The following GAL3ST1 variants were observed in gnomAD, a reference collection of about 807,000 sequenced individuals.
GAL3ST1 encodes the protein galactosylceramide sulfotransferase.
GAL3ST1 carries 13 observed loss-of-function variants against 25.0 expected under a neutral mutation model. That is an observed-to-expected ratio of 0.52 (90% confidence interval 0.34 to 0.83). GAL3ST1 has a LOEUF of 0.83. GAL3ST1 is among the 40% of genes least tolerant of loss of function. GAL3ST1 has a pLI of 0.02. For missense variants in GAL3ST1, 474 were observed against 613.6 expected, an observed-to-expected ratio of 0.77 and a Z score of 2.40; for synonymous variants, 274 against 277.8, an observed-to-expected ratio of 0.99 and a Z score of 0.14.
chr22:30,572,334 T>C (rs1241115697), intron 1 of GAL3ST1, among the ~76,000 whole-genome samples: 1 of 152,314 alleles, frequency 6.6e-6, no homozygotes, highest in South Asian at 2.1e-4. Flanking sequence ...CGGAGATACA[T>C]ACACCCACCT....
intron 1 of GAL3ST1, among the ~76,000 whole-genome samples, chr22:30,573,645 GC>G (rs1280512574): frequency 6.6e-6 from 1 of 152,224 alleles, no homozygotes; most frequent in Non-Finnish European, 1.5e-5. Context: ...CACCGCGGCA[GC>G]CCGGGGATCA....
chr22:30,570,808 T>A (rs1452361072), intron 1 of GAL3ST1, among the ~76,000 whole-genome samples: 1 of 151,616 alleles, frequency 6.6e-6, no homozygotes, highest in Non-Finnish European at 1.5e-5. Context: ...AAGAGTTGCC[T>A]AATATTAAGC....
chr22:30,554,919 C>T lies in GAL3ST1; in HGVS notation c.*34G>A, dbSNP rs560226917. ...TCCTGCTCAGCCCCTCTGCAGGGAG[C>T]GAGCAGGCAGGCAAGCCGCTGGGCG... On this transcript the variant is annotated 3_prime_UTR_variant, in exon 4 of 4. Transcript: ENST00000406361. The T allele has an allele frequency of 4.7e-6, 7 of 1,492,790 alleles. No individual in the cohort carries two copies. The South Asian group carries it at 7.6e-5, about 16-fold the overall frequency. The allele number at this position is 1,492,790 out of a possible 1,614,324, so 92.5% of individuals were successfully genotyped here.
At chr22:30,569,947 G>T (rs1052748765) in intron 1 of GAL3ST1, among the ~76,000 whole-genome samples, 33 of 152,078 alleles carry the variant, frequency 2.2e-4, no homozygotes, top group African/African-American at 8.0e-4. Context: ...GCCCTGTGTG[G>T]TGGTGCACGC....
In GAL3ST1 at chr22:30,555,377, T is replaced by C. The variant is rs903076173; in HGVS notation, c.848A>G (p.Asp283Gly). The change falls in exon 4 of 4, where the codon GAC (aspartate) becomes GGC (glycine). Residue 283 changes from aspartate to glycine, a missense_variant. Physicochemically the swap from Asp to Gly is moderately conservative, Grantham distance 94. Around this residue, in one of 2 missense-constraint regions of GAL3ST1, gnomAD observed 359 missense variants for 504.4 expected, o/e 0.71. Coordinates refer to ENST00000406361, the MANE Select transcript of GAL3ST1 (RefSeq NM_001318104.2). The surrounding 1 kb of genome is among the most constrained non-coding windows in gnomAD (Gnocchi z 8.6). ...VLYFKLNARR[D>G]SPVPRLSGEL... ...CCCCGAGAGCCGCGGCACGGGCGAG[T>C]CGCGGCGGGCGTTGAGCTTGAAGTA... 3 of 1,603,058 alleles carry C rather than the reference T, an allele frequency of 1.9e-6. No homozygotes were observed. The highest frequency in any genetic ancestry group is 1.4e-5 in the African/African-American group (1 of 72,900).
chr22:30,566,943 C>G (rs557040323), intron 1 of GAL3ST1, among the ~76,000 whole-genome samples: 2 of 151,884 alleles, frequency 1.3e-5, no homozygotes, highest in Non-Finnish European at 2.9e-5. Flanking sequence ...ACCCCCACCC[C>G]CAGGAAATTT....
chr22:30,556,234 TG>T, intron 3 of GAL3ST1, 141 bp from the exon 4 acceptor site: 1 of 690,292 alleles, frequency 1.4e-6, no homozygotes. Context: ...GAGTCCAGGC[TG>T]GGTGCCTGCG....
At chr22:30,567,797 C>A (rs1030457555) in intron 1 of GAL3ST1, among the ~76,000 whole-genome samples, 6 of 152,146 alleles carry the variant, frequency 3.9e-5, no homozygotes, top group Admixed American at 2.6e-4. Context: ...AATTCTCCTG[C>A]CTCACCCTTC....
rs527978474 is a variant in GAL3ST1 at position 30,556,034 on chromosome 22, C to G, written c.191G>C (p.Arg64Pro). 1.9e-6 allele frequency: 3 copies of G among 1,612,770 alleles called. No individual in the cohort carries two copies. Among genetic ancestry groups the G allele is most frequent in the Non-Finnish European group, 1.7e-6 (2 of 1,179,920 alleles). The change falls in exon 4 of 4, where the codon CGG becomes CCG. Residue 64 changes from arginine to proline, a missense_variant. Physicochemically the swap from Arg to Pro is moderately radical, Grantham distance 103. Around this residue, in one of 2 missense-constraint regions of GAL3ST1, gnomAD observed 115 missense variants for 109.2 expected, o/e 1.05. Transcript: ENST00000406361. ...PPALEPEAVI[R>P]ANGSAGECQP... is the part of the protein sequence containing the mutation. ...GCACTCCCCCGCCGAGCCGTTGGCCCGGATCACTGCCTCTGGCTCGAGTGC... is the reference window on the plus strand; with the variant it reads ...GCACTCCCCCGCCGAGCCGTTGGCCGGGATCACTGCCTCTGGCTCGAGTGC...
chr22:30,567,195 A>T (rs2086651890), intron 1 of GAL3ST1, among the ~76,000 whole-genome samples: 1 of 152,188 alleles, frequency 6.6e-6, no homozygotes, highest in Admixed American at 6.5e-5. Context: ...AAAGAAGATG[A>T]TTAAAAGAAC....
At chr22:30,557,609 G>A in intron 2 of GAL3ST1, 2 of 503,612 alleles carry the variant, frequency 4.0e-6, no homozygotes, top group South Asian at 6.9e-5. Context: ...GGTGGGTGAA[G>A]CAACTCAAAG....
chr22:30,559,388 A>G (rs955928861), intron 1 of GAL3ST1, among the ~76,000 whole-genome samples: 31 of 151,572 alleles, frequency 2.0e-4, no homozygotes, highest in East Asian at 4.0e-4. Context: ...TTACAGGCAC[A>G]CGCCACCACA....
Position 30,554,710 on chromosome 22 carries a change from T to G in GAL3ST1, c.*243A>C. 5.4e-6 allele frequency: 2 copies of G among 372,800 alleles called. No homozygotes were observed. Among genetic ancestry groups the G allele is most frequent in the African/African-American group, 2.1e-5 (1 of 47,712 alleles). The allele number at this position is 372,800 out of a possible 1,614,324, so 23.1% of individuals were successfully genotyped here. ...AGGGGAGGCAGAAATAGAACATTCT[T>G]TATCGGGGAGGGAAAGGGGTTTAAT... is the stretch of plus-strand genomic sequence containing the variant. On this transcript the variant is annotated 3_prime_UTR_variant, in exon 4 of 4. Coordinates refer to ENST00000406361, the MANE Select transcript of GAL3ST1 (RefSeq NM_001318104.2).
At chr22:30,570,563 A>G (rs554508447) in intron 1 of GAL3ST1, among the ~76,000 whole-genome samples, 1 of 152,284 alleles carries the variant, frequency 6.6e-6, no homozygotes, top group South Asian at 2.1e-4. Context: ...TTGGGAGGCC[A>G]AGGCGGGTGG....
intron 1 of GAL3ST1, among the ~76,000 whole-genome samples, chr22:30,570,029 G>A (rs918794304): frequency 3.3e-5 from 5 of 152,024 alleles, no homozygotes; most frequent in Admixed American, 3.3e-4. Context: ...GTTACAGAGA[G>A]GTATGAACGT....
rs1568986075 is a variant in GAL3ST1 at position 30,555,367 on chromosome 22, CACGGGCG to C, written c.851_857del (p.Ser284CysfsTer116). ...CATACAGCTCCCCCGAGAGCCGCGGCACGGGCGAGTCGCGGCGGGCGTTGAGCTTGAA... is the reference window on the plus strand; with the variant it reads ...CATACAGCTCCCCCGAGAGCCGCGGCAGTCGCGGCGGGCGTTGAGCTTGAA... On this transcript the variant is annotated frameshift_variant, in exon 4 of 4. Coordinates refer to ENST00000406361, the MANE Select transcript of GAL3ST1 (RefSeq NM_001318104.2). LOFTEE classifies it high-confidence loss of function. The surrounding 1 kb of genome is among the most constrained non-coding windows in gnomAD (Gnocchi z 8.6). 6.2e-7 allele frequency: 1 copy of C among 1,608,576 alleles called. No individual in the cohort carries two copies. The highest frequency in any genetic ancestry group is 8.5e-7 in the Non-Finnish European group (1 of 1,179,804).
At chr22:30,559,357 C>G (rs557054468) in intron 1 of GAL3ST1, among the ~76,000 whole-genome samples, 23 of 152,184 alleles carry the variant, frequency 1.5e-4, no homozygotes, top group African/African-American at 5.1e-4. Flanking sequence ...TCTCCTGCCT[C>G]AGCCTCCCAA....
rs535202977 is a variant in GAL3ST1, at chr22:30,568,524, C to A, written c.-120+5942G>T. 7.4e-4 allele frequency among the ~76,000 whole-genome samples: 113 copies of A among 152,188 alleles called. 1 individual carries two copies. The highest frequency in any genetic ancestry group is 1.0e-3 in the Non-Finnish European group (69 of 68,046). ...TCTTTGCATCTCCACCCACCAGACA[C>A]TGACTGGATTTCAAGAAAACGAGAA... On this transcript the variant is annotated intron_variant, in intron 1 of 3. Coordinates refer to ENST00000406361, the MANE Select transcript of GAL3ST1 (RefSeq NM_001318104.2).
At chr22:30,569,611 T>G (rs2086722729) in intron 1 of GAL3ST1, among the ~76,000 whole-genome samples, 1 of 148,908 alleles carries the variant, frequency 6.7e-6, no homozygotes, top group African/African-American at 2.5e-5. Context: ...GGGAAAGAGG[T>G]AGGCGGGGAG....
Sources: allele counts gnomAD v4.1 joint callset (sites outside exome capture counted in the v4.1 genomes callset), GRCh38; gene constraint gnomAD v4.1.1; regional missense constraint gnomAD v4.1.1; non-coding constraint Gnocchi (gnomAD v3.1); transcripts MANE v1.5; gene names NCBI Gene and HGNC (gene_info 2026-07-23, HGNC 2026-07-21).